Variants in CSNK1G1 observed in about 807,000 individuals in gnomAD.
The protein encoded by CSNK1G1 is casein kinase 1 gamma 1.
A neutral mutation model predicts 59.6 loss-of-function variants in CSNK1G1; 22 were observed. The observed-to-expected ratio is 0.37, with a 90% CI of 0.26 to 0.53. The LOEUF (loss-of-function observed/expected upper bound fraction) is 0.53. Among genes scored for constraint, CSNK1G1 ranks in the 20% least tolerant of loss-of-function variants. The pLI is 0.89. For synonymous variants in CSNK1G1, 179 were observed against 177.1 expected (o/e 1.01, Z -0.08); for missense variants, 384 against 519.5 (o/e 0.74, Z 2.54).
In CSNK1G1 at chr15:64,200,787, C is replaced by T. The variant is rs2082096617; in HGVS notation, c.1107+2295G>A. ...CCCGTCCAGCTCACTTTACTATAAC[C>T]CAGTTTATTCAATAAAGGATGTGAA... On this transcript the variant is annotated intron_variant, in intron 10 of 11. Coordinates refer to ENST00000303052, the MANE Select transcript of CSNK1G1 (RefSeq NM_022048.5). The surrounding 1 kb of genome is among the most constrained non-coding windows in gnomAD (Gnocchi z 4.3). Among the ~76,000 whole-genome samples, 1 of 152,118 alleles carries T rather than the reference C, an allele frequency of 6.6e-6. No individual in the cohort carries two copies. The highest frequency in any genetic ancestry group is 6.5e-5 in the Admixed American group (1 of 15,282).
rs1320452091 is a variant in CSNK1G1 at position 64,171,158 on chromosome 15, TG to T, written c.*772del. 1.3e-5 allele frequency: 2 copies of T among 152,562 alleles called. No homozygotes were observed. The highest frequency in any genetic ancestry group is 4.8e-5 in the African/African-American group (2 of 41,376). The allele number at this position is 152,562 out of a possible 1,614,324, so 9.5% of individuals were successfully genotyped here. A position where few individuals can be genotyped will look rare whatever the true frequency, so the allele number is the denominator to read the frequency against. ...TATGCATCTGCCATGTTTTTGTTTT[TG>T]TTTTTTTTAAAAAAACTAAAAGTGC... On this transcript the variant is annotated 3_prime_UTR_variant, in exon 12 of 12. Transcript: ENST00000303052. This position sits in a 1 kb window ranked among gnomAD's most constrained non-coding sequence, Gnocchi z 4.8.
At chr15:64,252,338 G>A (rs1474071588) in intron 3 of CSNK1G1, among the ~76,000 whole-genome samples, 1 of 151,746 alleles carries the variant, frequency 6.6e-6, no homozygotes, top group Non-Finnish European at 1.5e-5. Context: ...AGCCTCCCGA[G>A]TGGCTGGGAC....
At chr15:64,316,411 C>T (rs1896266026) in intron 1 of CSNK1G1, among the ~76,000 whole-genome samples, 3 of 151,810 alleles carry the variant, frequency 2.0e-5, no homozygotes, top group African/African-American at 7.3e-5. Context: ...TGGCACACGC[C>T]TGTAGTCCCA....
intron 4 of CSNK1G1, among the ~76,000 whole-genome samples, chr15:64,218,315 G>A (rs1022204941): frequency 2.2e-4 from 34 of 152,020 alleles, no homozygotes; most frequent in Admixed American, 9.2e-4. Context: ...TACTTCTCTC[G>A]AGGGTAGGTC....
intron 7 of CSNK1G1, among the ~76,000 whole-genome samples, chr15:64,207,191 T>C (rs182876262): frequency 1.3e-5 from 2 of 152,364 alleles, no homozygotes; most frequent in Non-Finnish European, 1.5e-5. Context: ...AGAGCATTTA[T>C]AATGTAGACT....
At chr15:64,270,788 GTGTCCCAGAGACTCTGGTATGT>G (rs1893257296) in intron 2 of CSNK1G1, among the ~76,000 whole-genome samples, 1 of 151,274 alleles carries the variant, frequency 6.6e-6, no homozygotes, top group South Asian at 2.1e-4. Context: ...TACCTGAGCT[GTGTCCCAGAGACTCTGGTATGT>G]TGTATCTTCG....
At chr15:64,282,676 AC>A (rs1894206639) in intron 2 of CSNK1G1, among the ~76,000 whole-genome samples, 1 of 152,118 alleles carries the variant, frequency 6.6e-6, no homozygotes, top group African/African-American at 2.4e-5. Context: ...CATTTTGTTG[AC>A]CTATTTCTTC....
intron 2 of CSNK1G1, among the ~76,000 whole-genome samples, chr15:64,284,240 T>C (rs1894292879): frequency 6.6e-6 from 1 of 152,248 alleles, no homozygotes; most frequent in Non-Finnish European, 1.5e-5. Context: ...AATTTTGAAA[T>C]CCAAAGTATG....
chr15:64,278,928 T>A (rs1220892260), intron 2 of CSNK1G1, among the ~76,000 whole-genome samples: 1 of 152,254 alleles, frequency 6.6e-6, no homozygotes, highest in African/African-American at 2.4e-5. Context: ...GCTTTACTGT[T>A]AATTATTTGG....
chr15:64,188,440 G>A lies in CSNK1G1; in HGVS notation c.1108-7986C>T, dbSNP rs776040909. The A allele has an allele frequency of 1.2e-5, 19 of 1,535,982 alleles. No individual in the cohort carries two copies. Among genetic ancestry groups the A allele is most frequent in the African/African-American group, 2.7e-5 (2 of 73,028 alleles). ...GTTAGGTATGAGGTATTGGTCTGCC[G>A]GCTGGGCTGAATTTCCCACTCTCCT... On this transcript the variant is annotated intron_variant, in intron 10 of 11. Transcript: ENST00000303052. The surrounding 1 kb of genome is among the most constrained non-coding windows in gnomAD (Gnocchi z 4.2).
At chr15:64,282,523 C>T (rs1369670450) in intron 2 of CSNK1G1, among the ~76,000 whole-genome samples, 1 of 152,148 alleles carries the variant, frequency 6.6e-6, no homozygotes, top group Non-Finnish European at 1.5e-5. Context: ...GCCTCTCAGT[C>T]TCCCATGAAT....
At position 64,165,913 on chromosome 15, in the gene CSNK1G1, G is replaced by A; in HGVS notation, c.*6018C>T. The A allele has an allele frequency of 1.8e-6, 1 of 556,474 alleles. No individual in the cohort carries two copies. Among genetic ancestry groups the A allele is most frequent in the Non-Finnish European group, 3.2e-6 (1 of 314,534 alleles). The allele number at this position is 556,474 out of a possible 1,614,324, so 34.5% of individuals were successfully genotyped here. A position where few individuals can be genotyped will look rare whatever the true frequency, so the allele number is the denominator to read the frequency against. On this transcript the variant is annotated 3_prime_UTR_variant, in exon 12 of 12. Coordinates refer to ENST00000303052, the MANE Select transcript of CSNK1G1 (RefSeq NM_022048.5). ...CCCATTTTCCATTTTCTCCAAAGAA[G>A]GCTACTTCCTCTGCAGAGAAGATTT...
At chr15:64,182,895 T>C (rs899890915) in intron 10 of CSNK1G1, among the ~76,000 whole-genome samples, 3 of 152,216 alleles carry the variant, frequency 2.0e-5, no homozygotes, top group Admixed American at 6.5e-5. Flanking sequence ...GGAGGGTATA[T>C]GGATTGGAAA....
At chr15:64,312,033 A>C (rs1896023788) in intron 1 of CSNK1G1, among the ~76,000 whole-genome samples, 1 of 152,222 alleles carries the variant, frequency 6.6e-6, no homozygotes, top group African/African-American at 2.4e-5. Context: ...TAAAATACCT[A>C]GGAATACAAC....
chr15:64,166,287 A>G lies in CSNK1G1; in HGVS notation c.*5644T>C, dbSNP rs2140188505. On this transcript the variant is annotated 3_prime_UTR_variant, in exon 12 of 12. Transcript: ENST00000303052. This position sits in a 1 kb window ranked among gnomAD's most constrained non-coding sequence, Gnocchi z 4.5. ...TAAATTAGAGCATGTAATACATCCTATGGGAATTGCTGAATCAACATTATT... is the reference window on the plus strand; with the variant it reads ...TAAATTAGAGCATGTAATACATCCTGTGGGAATTGCTGAATCAACATTATT... The G allele has an allele frequency of 2.9e-6, 1 of 344,544 alleles. No individual in the cohort carries two copies. The highest frequency in any genetic ancestry group is 5.2e-6 in the Non-Finnish European group (1 of 193,390). The allele number at this position is 344,544 out of a possible 1,614,324, so 21.3% of individuals were successfully genotyped here.
intron 2 of CSNK1G1, among the ~76,000 whole-genome samples, chr15:64,293,774 C>T (rs527862181): frequency 1.3e-5 from 2 of 152,210 alleles, no homozygotes; most frequent in South Asian, 2.1e-4. Context: ...AGTGCAAACC[C>T]TATTACTGTG....
intron 1 of CSNK1G1, among the ~76,000 whole-genome samples, chr15:64,324,003 G>A (rs1030840373): frequency 3.3e-5 from 5 of 152,112 alleles, no homozygotes; most frequent in African/African-American, 1.2e-4. Flanking sequence ...ACTACCTTAT[G>A]GATAGTAATA....
rs1407051397 is a variant in CSNK1G1, at chr15:64,168,718, A to T, written c.*3213T>A. On this transcript the variant is annotated 3_prime_UTR_variant, in exon 12 of 12. Transcript: ENST00000303052. The stretch of plus-strand genomic sequence containing the variant: ...GCGAGTGCATGCCCTAACCCCAAGG[A>T]TCTGGCTGAGGCATACAGCTAAGGA... The T allele has an allele frequency of 6.6e-6, 1 of 152,220 alleles. No homozygotes were observed. Among genetic ancestry groups the T allele is most frequent in the East Asian group, 1.9e-4 (1 of 5,196 alleles). 9.4% of individuals were successfully genotyped at this position (152,220 alleles called of 1,614,324 possible). A position where few individuals can be genotyped will look rare whatever the true frequency, so the allele number is the denominator to read the frequency against.
Position 64,165,689 on chromosome 15 carries a change from G to T in CSNK1G1, c.*6242C>A. ...TGTTAATTACAAATGAGCCGAGGGA[G>T]ATTAAAAACAGACAAACCAATCAAC... On this transcript the variant is annotated 3_prime_UTR_variant, in exon 12 of 12. Coordinates refer to ENST00000303052, the MANE Select transcript of CSNK1G1 (RefSeq NM_022048.5). 1 of 217,584 alleles carries T rather than the reference G, an allele frequency of 4.6e-6. No homozygotes were observed. Among genetic ancestry groups the T allele is most frequent in the Non-Finnish European group, 9.0e-6 (1 of 111,262 alleles). 13.5% of individuals were successfully genotyped at this position (217,584 alleles called of 1,614,324 possible).
Sources: gnomAD v4.1 joint callset for allele counts (sites outside exome capture counted in the v4.1 genomes callset) on GRCh38, gnomAD v4.1.1 for gene constraint, Gnocchi (gnomAD v3.1) non-coding constraint, MANE v1.5 for transcripts, NCBI Gene and HGNC (gene_info 2026-07-23, HGNC 2026-07-21) for gene names.